SLC26A4: variants seen among roughly 807,000 people sequenced by gnomAD.
The protein encoded by SLC26A4 is solute carrier family 26 member 4.
In SLC26A4, 93 loss-of-function variants were observed where a neutral mutation model predicts 90.4. The ratio of observed to expected loss-of-function variants is 1.03; its 90% CI spans 0.87 to 1.22. The LOEUF (loss-of-function observed/expected upper bound fraction) is 1.22, where lower values mean the gene tolerates loss of function less well. SLC26A4 is among the 50% of genes most tolerant of loss of function. The pLI, the probability that SLC26A4 is intolerant of heterozygous loss-of-function variation, is 0.00. For missense variants in SLC26A4, 1,127 were observed against 946.2 expected (o/e 1.19, Z -2.51); for synonymous variants, 393 against 354.6 (o/e 1.11, Z -1.22).
intron 2 of SLC26A4, 79 bp from the exon 3 acceptor site, chr7:107,663,217 C>T: frequency 2.8e-6 from 4 of 1,408,612 alleles, no homozygotes; most frequent in Non-Finnish European, 4.0e-6. Context: ...TCAGCAGAAT[C>T]CAGTTCATAA....
intron 6 of SLC26A4, among the ~76,000 whole-genome samples, chr7:107,679,877 ATATAATCTTATC>A (rs1343839424): frequency 7.2e-5 from 9 of 125,128 alleles, no homozygotes; most frequent in African/African-American, 2.5e-4. Context: ...ATCTTATATT[ATATAATCTTATC>A]TTATATAATC....
chr7:107,713,516 ACT>A (rs1292792722), intron 20 of SLC26A4, among the ~76,000 whole-genome samples: 1 of 151,964 alleles, frequency 6.6e-6, no homozygotes, highest in Non-Finnish European at 1.5e-5. Flanking sequence ...TCTCCAGCAG[ACT>A]CTCTTCCAGT....
chr7:107,687,444 C>T (rs1751764770), intron 8 of SLC26A4, among the ~76,000 whole-genome samples: 1 of 152,154 alleles, frequency 6.6e-6, no homozygotes, highest in African/African-American at 2.4e-5. Context: ...CAATATATAC[C>T]AAGAACCTAC....
rs56782513 is a variant in SLC26A4, at chr7:107,689,391, T to A, written c.1149+191T>A. On this transcript the variant is annotated intron_variant, in intron 9 of 20. Coordinates refer to ENST00000644269, the MANE Select transcript of SLC26A4 (RefSeq NM_000441.2). ...AGACACACTGCATCACTTTGCTTTTTTAAGAAATAAGTTGAAATAACACTA... is the reference window on the plus strand; with the variant it reads ...AGACACACTGCATCACTTTGCTTTTATAAGAAATAAGTTGAAATAACACTA... Among the ~76,000 whole-genome samples the A allele has an allele frequency of 7.4e-3, 1,122 of 152,318 alleles. 11 individuals carry two copies. The highest frequency in any genetic ancestry group is 0.025 in the African/African-American group (1,047 of 41,566).
At chr7:107,693,270 G>T (rs539615697) in intron 10 of SLC26A4, 2 of 984,764 alleles carry the variant, frequency 2.0e-6, no homozygotes, top group East Asian at 2.3e-4. Flanking sequence ...ATGGGGATAG[G>T]AAGAGCATAG....
chr7:107,710,069 AG>A lies in SLC26A4; in HGVS notation c.2106del (p.Lys702AsnfsTer19), dbSNP rs1374832271. On this transcript the variant is annotated frameshift_variant, in exon 19 of 21. Transcript: ENST00000644269. LOFTEE classifies it high-confidence loss of function. ...TCTTTTGAAGATTATGTGATAGAAA[AG>A]CTGGAGCAATGCGGGTTCTTTGACG... ...FASLQDYVIE[K>X]LEQCGFFDDN... 3.1e-6 allele frequency: 5 copies of A among 1,613,500 alleles called. No individual in the cohort carries two copies. The South Asian group carries it at 5.5e-5, about 18-fold the overall frequency.
At chr7:107,686,107 G>GT (rs1562830680) in intron 8 of SLC26A4, among the ~76,000 whole-genome samples, 23 of 150,252 alleles carry the variant, frequency 1.5e-4, no homozygotes, top group African/African-American at 5.4e-4. Context: ...GTGTGTGTGT[G>GT]GGTGTGTGTG....
In SLC26A4 at chr7:107,683,230, G is replaced by T; in HGVS notation, c.794G>T (p.Gly265Val). ...CTGGTTGAGATTTTTCAAAATATTGGTGATACCAATCTTGCTGATTTCACT... is the reference window on the plus strand; with the variant it reads ...CTGGTTGAGATTTTTCAAAATATTGTTGATACCAATCTTGCTGATTTCACT... ...YTLVEIFQNIGDTNLADFTAG... is the reference protein window; with the variant it reads ...YTLVEIFQNIVDTNLADFTAG... The change falls in exon 7 of 21, where the codon GGT becomes GTT. Residue 265 changes from glycine to valine, a missense_variant. Physicochemically the swap from Gly to Val is moderately radical, Grantham distance 109 (BLOSUM62 -3). Transcript: ENST00000644269. The T allele has an allele frequency of 6.2e-7, 1 of 1,612,464 alleles. No individual in the cohort carries two copies. The highest frequency in any genetic ancestry group is 1.1e-5 in the South Asian group (1 of 91,002).
chr7:107,665,318 G>A (rs562024409), intron 3 of SLC26A4, among the ~76,000 whole-genome samples: 20 of 152,298 alleles, frequency 1.3e-4, no homozygotes, highest in Non-Finnish European at 2.4e-4. Context: ...AAGGAGGATG[G>A]CCTATGAACC....
chr7:107,665,543 C>T (rs1297943716), intron 3 of SLC26A4, among the ~76,000 whole-genome samples: 1 of 152,120 alleles, frequency 6.6e-6, no homozygotes, highest in Non-Finnish European at 1.5e-5. Context: ...CAGAGACAGG[C>T]ACATAATAGA....
intron 18 of SLC26A4, among the ~76,000 whole-genome samples, chr7:107,708,957 G>A (rs1338228066): frequency 1.3e-5 from 2 of 152,196 alleles, no homozygotes; most frequent in African/African-American, 2.4e-5. Context: ...GTGTAGGAAA[G>A]TGCTAAGGCT....
Position 107,683,438 on chromosome 7 carries a change from C to A in SLC26A4, c.919-17C>A. 1 of 1,612,878 alleles carries A rather than the reference C, an allele frequency of 6.2e-7. No individual in the cohort carries two copies. Among genetic ancestry groups the A allele is most frequent in the Non-Finnish European group, 8.5e-7 (1 of 1,178,970 alleles). On this transcript the variant is annotated splice_polypyrimidine_tract_variant and intron_variant, in intron 7 of 20. Transcript: ENST00000644269. ...TTAAAACCAATGGAGTTTTTAACATCTTTTGTTTTATTTCAGACGATAATT... is the reference window on the plus strand; with the variant it reads ...TTAAAACCAATGGAGTTTTTAACATATTTTGTTTTATTTCAGACGATAATT...
At chr7:107,662,158 G>A in intron 2 of SLC26A4, 1 of 313,862 alleles carries the variant, frequency 3.2e-6, no homozygotes, top group East Asian at 7.4e-5. Flanking sequence ...TAAATGAAAT[G>A]AATAGGGAAA....
rs575450928 is a variant in SLC26A4, at chr7:107,699,864, G to A, written c.1615-219G>A. Among the ~76,000 whole-genome samples, 298 of 151,704 alleles carry A rather than the reference G, an allele frequency of 2.0e-3. 2 individuals carry two copies. Among genetic ancestry groups the A allele is most frequent in the Non-Finnish European group, 3.3e-3 (222 of 67,930 alleles). ...AATCCCTTGAACCCAGGAGGTGGAG[G>A]TTGCAGTGAGCCGACATTGTGCCAC... On this transcript the variant is annotated intron_variant, in intron 14 of 20. Coordinates refer to ENST00000644269, the MANE Select transcript of SLC26A4 (RefSeq NM_000441.2).
At chr7:107,671,570 G>T (rs150837171) in intron 3 of SLC26A4, among the ~76,000 whole-genome samples, 65 of 152,342 alleles carry the variant, frequency 4.3e-4, no homozygotes, top group Admixed American at 9.2e-4. Context: ...GATGTTTGTA[G>T]ATGCAATCAT....
At chr7:107,670,617 G>A (rs544788799) in intron 3 of SLC26A4, among the ~76,000 whole-genome samples, 16 of 152,184 alleles carry the variant, frequency 1.1e-4, no homozygotes, top group African/African-American at 3.1e-4. Context: ...GCATAACTTA[G>A]TTAACCACTT....
intron 3 of SLC26A4, among the ~76,000 whole-genome samples, chr7:107,664,065 G>C (rs1051815140): frequency 1.3e-5 from 2 of 151,880 alleles, no homozygotes; most frequent in Non-Finnish European, 2.9e-5. Flanking sequence ...AAAAAGAAAT[G>C]TGTTACATCC....
intron 19 of SLC26A4, among the ~76,000 whole-genome samples, chr7:107,711,986 A>G (rs115063256): frequency 1.3e-4 from 20 of 152,370 alleles, no homozygotes; most frequent in African/African-American, 4.8e-4. Flanking sequence ...CATGCAAAAC[A>G]CAAAGCCAAA....
At chr7:107,666,102 T>G (rs1451042109) in intron 3 of SLC26A4, among the ~76,000 whole-genome samples, 1 of 152,184 alleles carries the variant, frequency 6.6e-6, no homozygotes, top group Non-Finnish European at 1.5e-5. Flanking sequence ...TGTAAAATTA[T>G]TTTGAGGGGT....
Sources: gnomAD v4.1 joint callset for allele counts (sites outside exome capture counted in the v4.1 genomes callset) on GRCh38, gnomAD v4.1.1 for gene constraint, MANE v1.5 for transcripts, NCBI Gene and HGNC (gene_info 2026-07-23, HGNC 2026-07-21) for gene names.